SCMH1: variants seen among roughly 807,000 people sequenced by gnomAD.
SCMH1 encodes the protein polycomb protein SCMH1.
In SCMH1, 37 loss-of-function variants were observed where a neutral mutation model predicts 70.8. The ratio of observed to expected loss-of-function variants is 0.52; its 90% CI spans 0.40 to 0.69. The LOEUF (loss-of-function observed/expected upper bound fraction) is 0.69. Among genes scored for constraint, SCMH1 ranks in the 30% least tolerant of loss-of-function variants. SCMH1 has a pLI of 0.00. For missense variants in SCMH1, 607 were observed against 827.3 expected (o/e 0.73, Z 3.27); for synonymous variants, 292 against 307.4 (o/e 0.95, Z 0.52).
intron 2 of SCMH1, among the ~76,000 whole-genome samples, chr1:41,175,579 A>G (rs896534291): frequency 2.6e-5 from 4 of 152,250 alleles, no homozygotes; most frequent in Non-Finnish European, 5.9e-5. Flanking sequence ...GGTCAGAGTG[A>G]GTATTTTAAA....
chr1:41,205,285 T>C (rs1345929753), intron 1 of SCMH1, among the ~76,000 whole-genome samples: 1 of 152,188 alleles, frequency 6.6e-6, no homozygotes, highest in African/African-American at 2.4e-5. Flanking sequence ...TTCCCTTTCC[T>C]AGCCAAGGGA....
intron 2 of SCMH1, among the ~76,000 whole-genome samples, chr1:41,166,001 T>A (rs1646386483): frequency 6.6e-6 from 1 of 152,156 alleles, no homozygotes; most frequent in Non-Finnish European, 1.5e-5. Context: ...TTCAAGTCTT[T>A]ATTCCATTTT....
At chr1:41,071,941 G>A (rs540771166) in intron 9 of SCMH1, among the ~76,000 whole-genome samples, 6 of 152,272 alleles carry the variant, frequency 3.9e-5, no homozygotes, top group Non-Finnish European at 7.4e-5. Context: ...TGGGATTATA[G>A]GCAGGAGCCA....
intron 7 of SCMH1, among the ~76,000 whole-genome samples, chr1:41,114,717 C>A (rs11209554): frequency 0.19 from 29,424 of 151,616 alleles, 2,992 homozygotes; most frequent in East Asian, 0.31. Flanking sequence ...GGTTCTGTCA[C>A]CCAGGCTGGA....
At chr1:41,170,482 T>A (rs1449540331) in intron 2 of SCMH1, among the ~76,000 whole-genome samples, 1 of 152,198 alleles carries the variant, frequency 6.6e-6, no homozygotes, top group Non-Finnish European at 1.5e-5. Flanking sequence ...TGAATAGATA[T>A]TTATTTGGTG....
At position 41,079,044 on chromosome 1, in the gene SCMH1, CTTAT is replaced by C. The variant is rs1298690457; in HGVS notation, c.746-3597_746-3594del. On this transcript the variant is annotated intron_variant, in intron 8 of 14. Coordinates refer to ENST00000337495, the Ensembl canonical transcript of SCMH1. ...GCATTATTTGGGAGTAGTTAGAGCA[CTTAT>C]TTAAGGTAGATTTTAATAAGTCCAA... Among the ~76,000 whole-genome samples, 8 of 152,194 alleles carry C rather than the reference CTTAT, an allele frequency of 5.3e-5. No homozygotes were observed. The East Asian group carries it at 1.4e-3, about 26-fold the overall frequency.
intron 8 of SCMH1, among the ~76,000 whole-genome samples, chr1:41,087,424 G>C (rs1662044201): frequency 6.6e-6 from 1 of 151,118 alleles, no homozygotes; most frequent in Admixed American, 6.6e-5. Flanking sequence ...ACAATAAAAG[G>C]GTGTATCTAA....
intron 1 of SCMH1, among the ~76,000 whole-genome samples, chr1:41,188,764 T>C (rs1557775426): frequency 8.2e-6 from 1 of 121,582 alleles, no homozygotes; most frequent in Non-Finnish European, 1.7e-5. Context: ...AAAACTTAGT[T>C]ACAAATTATC....
At chr1:41,044,430 AAGGCAGGCAAGCAGGCAGGAAGGC>A (rs1331302110) in intron 12 of SCMH1, among the ~76,000 whole-genome samples, 162 of 152,186 alleles carry the variant, frequency 1.1e-3, no homozygotes, top group African/African-American at 3.7e-3. Flanking sequence ...AAGGGTCAGT[AAGGCAGGCAAGCAGGCAGGAAGGC>A]AGGCAGGCAA....
At chr1:41,133,149 C>T (rs562075389) in intron 6 of SCMH1, among the ~76,000 whole-genome samples, 32 of 152,266 alleles carry the variant, frequency 2.1e-4, no homozygotes, top group East Asian at 1.2e-3. Flanking sequence ...GCCATTTTCA[C>T]GATATTGATT....
chr1:41,058,134 A>G (rs1363385193), intron 10 of SCMH1, among the ~76,000 whole-genome samples: 5 of 149,850 alleles, frequency 3.3e-5, no homozygotes, highest in Middle Eastern at 3.5e-3. Context: ...AAAAAAAAAA[A>G]AGAAAAAGAA....
intron 10 of SCMH1, among the ~76,000 whole-genome samples, chr1:41,066,573 T>C (rs1654673079): frequency 6.6e-6 from 1 of 152,116 alleles, no homozygotes; most frequent in African/African-American, 2.4e-5. Context: ...AGCCATCTTT[T>C]TTTGTTGTTG....
At chr1:41,069,043 TTAA>T (rs934097559) in intron 10 of SCMH1, among the ~76,000 whole-genome samples, 2 of 152,116 alleles carry the variant, frequency 1.3e-5, no homozygotes, top group South Asian at 2.1e-4. Flanking sequence ...TAAGGTTGAA[TTAA>T]TAATAAGTAC....
chr1:41,226,411 T>G (rs968824543), intron 1 of SCMH1, among the ~76,000 whole-genome samples: 1 of 151,968 alleles, frequency 6.6e-6, no homozygotes. Flanking sequence ...ATAAGCAATA[T>G]GAAAAAAATA....
At chr1:41,123,777 G>A (rs868010846) in intron 6 of SCMH1, among the ~76,000 whole-genome samples, 17 of 152,262 alleles carry the variant, frequency 1.1e-4, no homozygotes, top group Non-Finnish European at 2.2e-4. Context: ...TTTTATCCTT[G>A]GAGGACTCCA....
intron 8 of SCMH1, among the ~76,000 whole-genome samples, chr1:41,075,800 G>A (rs890026118): frequency 6.6e-6 from 1 of 152,164 alleles, no homozygotes; most frequent in African/African-American, 2.4e-5. Context: ...ATTCTGTCCT[G>A]CTAAGAATGA....
rs1323139587 is a variant in SCMH1, at chr1:41,087,964, G to GTGTGTGTGTGTATT, written c.746-12514_746-12513insAATACACACACACA. 4.6e-5 allele frequency among the ~76,000 whole-genome samples: 7 copies of GTGTGTGTGTGTATT among 151,066 alleles called. No homozygotes were observed. The South Asian group carries it at 1.5e-3, about 32-fold the overall frequency. On this transcript the variant is annotated intron_variant, in intron 8 of 14. Coordinates refer to ENST00000337495, the Ensembl canonical transcript of SCMH1. ...TGTGTGTGTGTGTGTGTGTGTGTGT[G>GTGTGTGTGTGTATT]TATTTATTTATGCAATGGTAGCATT... is the stretch of plus-strand genomic sequence containing the variant.
At chr1:41,157,185 G>C (rs539573015) in intron 4 of SCMH1, among the ~76,000 whole-genome samples, 120 of 151,976 alleles carry the variant, frequency 7.9e-4, no homozygotes, top group Non-Finnish European at 4.4e-5. Context: ...TATTCCTACC[G>C]AAAGTACACA....
At chr1:41,146,451 C>A (rs1644579077) in intron 5 of SCMH1, among the ~76,000 whole-genome samples, 1 of 152,124 alleles carries the variant, frequency 6.6e-6, no homozygotes. Context: ...CACTTACTCA[C>A]TGACTCACCC....
Sources: allele counts gnomAD v4.1 joint callset (sites outside exome capture counted in the v4.1 genomes callset), GRCh38; gene constraint gnomAD v4.1.1; transcripts MANE v1.5; gene names NCBI Gene and HGNC (gene_info 2026-07-23, HGNC 2026-07-21).